Variants in TSNARE1 observed in about 807,000 individuals in gnomAD.
TSNARE1 encodes t-SNARE domain containing 1.
In TSNARE1, 49 loss-of-function variants were observed where a neutral mutation model predicts 62.0. That is an observed-to-expected ratio of 0.79 (90% confidence interval 0.63 to 1.00). The LOEUF is 1.00. Among genes scored for constraint, TSNARE1 ranks in the 50% least tolerant of loss-of-function variants. The probability of loss-of-function intolerance (pLI) is 0.00; values close to 1 mark genes in which losing one functional copy is unlikely to be tolerated. For synonymous variants in TSNARE1, 328 were observed against 294.4 expected, an observed-to-expected ratio of 1.11 and a Z score of -1.17; for missense variants, 755 against 700.1, an observed-to-expected ratio of 1.08 and a Z score of -0.88.
chr8:142,321,026 A>T (rs1244837891), intron 6 of TSNARE1, among the ~76,000 whole-genome samples: 2 of 152,214 alleles, frequency 1.3e-5, no homozygotes, highest in African/African-American at 2.4e-5. Context: ...ATCAAAGTGA[A>T]CAAGGCCTCC....
chr8:142,361,708 C>T (rs893932183), intron 1 of TSNARE1, among the ~76,000 whole-genome samples: 7 of 152,188 alleles, frequency 4.6e-5, no homozygotes, highest in African/African-American at 1.7e-4. Context: ...GCCAGTGGAA[C>T]ACATGCTACC....
intron 12 of TSNARE1, among the ~76,000 whole-genome samples, chr8:142,236,043 G>A (rs1012824720): frequency 2.6e-5 from 4 of 152,184 alleles, no homozygotes; most frequent in African/African-American, 4.8e-5. Context: ...GAGCTTCAGG[G>A]CAAGGACTCC....
chr8:142,393,914 C>A (rs768955561), intron 1 of TSNARE1, among the ~76,000 whole-genome samples: 1 of 152,202 alleles, frequency 6.6e-6, no homozygotes, highest in African/African-American at 2.4e-5. Context: ...TGGTTGCAGC[C>A]GTGTGGTTCC....
chr8:142,322,367 G>C (rs1021469534), intron 6 of TSNARE1, among the ~76,000 whole-genome samples: 1 of 152,200 alleles, frequency 6.6e-6, no homozygotes, highest in African/African-American at 2.4e-5. Context: ...TGGGGAACAA[G>C]GCAGGTATGT....
At chr8:142,338,229 C>A (rs1253886557) in intron 4 of TSNARE1, among the ~76,000 whole-genome samples, 1 of 152,254 alleles carries the variant, frequency 6.6e-6, no homozygotes. Context: ...TGCGTCCCCC[C>A]ACGTCTCACT....
intron 1 of TSNARE1, among the ~76,000 whole-genome samples, chr8:142,380,359 AG>A (rs1564004409): frequency 6.6e-6 from 1 of 151,950 alleles, no homozygotes; most frequent in African/African-American, 2.4e-5. Flanking sequence ...CAGGCCACAG[AG>A]CAGGGAGGAC....
Position 142,284,059 on chromosome 8 carries a change from G to A in TSNARE1, c.1363+354C>T, listed in dbSNP as rs1241122868. ...TGAGCGGGTACCAGTGTCTGCCAATGAGCAGAGTGGGGGCTAGTGTCTGCC... is the reference window on the plus strand; with the variant it reads ...TGAGCGGGTACCAGTGTCTGCCAATAAGCAGAGTGGGGGCTAGTGTCTGCC... On this transcript the variant is annotated intron_variant, in intron 11 of 13. Coordinates refer to ENST00000524325, the MANE Select transcript of TSNARE1 (RefSeq NM_145003.5). 1.5e-5 allele frequency among the ~76,000 whole-genome samples: 2 copies of A among 136,896 alleles called. 1 individual carries two copies. Among genetic ancestry groups the A allele is most frequent in the Non-Finnish European group, 3.3e-5 (2 of 61,212 alleles). 89.8% of individuals were successfully genotyped at this position (136,896 alleles called of 152,430 possible). A position where few individuals can be genotyped will look rare whatever the true frequency, so the allele number is the denominator to read the frequency against.
chr8:142,213,834 G>A (rs531555939), intron 13 of TSNARE1, among the ~76,000 whole-genome samples: 12 of 152,212 alleles, frequency 7.9e-5, no homozygotes, highest in South Asian at 2.1e-4. Flanking sequence ...CCTGCAGGGC[G>A]GAGCTGAGCC....
chr8:142,375,681 T>A (rs1277617819), intron 1 of TSNARE1, among the ~76,000 whole-genome samples: 1 of 152,216 alleles, frequency 6.6e-6, no homozygotes. Flanking sequence ...AGTGGTTCAA[T>A]GAAAATGAAA....
intron 11 of TSNARE1, among the ~76,000 whole-genome samples, chr8:142,279,649 C>T (rs1007745853): frequency 2.0e-5 from 3 of 152,174 alleles, no homozygotes; most frequent in African/African-American, 7.2e-5. Flanking sequence ...CCGAGACAGG[C>T]AGAACCCTCC....
intron 1 of TSNARE1, among the ~76,000 whole-genome samples, chr8:142,390,145 G>A (rs375597599): frequency 9.8e-5 from 15 of 152,338 alleles, no homozygotes; most frequent in Admixed American, 3.3e-4. Context: ...ACCATGAACG[G>A]GGCTTGCAGG....
At chr8:142,347,037 C>G (rs1554669037) in intron 2 of TSNARE1, among the ~76,000 whole-genome samples, 13 of 152,240 alleles carry the variant, frequency 8.5e-5, no homozygotes. Flanking sequence ...TACGGCCACA[C>G]AGACTCAGGA....
chr8:142,306,889 C>CAAAGGAAACACATCCCAGCCT (rs1826785224), intron 9 of TSNARE1, among the ~76,000 whole-genome samples: 3 of 152,044 alleles, frequency 2.0e-5, no homozygotes, highest in Non-Finnish European at 4.4e-5. Context: ...TATGACTGCT[C>CAAAGGAAACACATCCCAGCCT]ACAAAGGAAA....
chr8:142,325,898 C>T (rs1016897820), intron 6 of TSNARE1, among the ~76,000 whole-genome samples: 1 of 124,926 alleles, frequency 8.0e-6, no homozygotes, highest in Non-Finnish European at 1.7e-5. Context: ...AGACGGATGA[C>T]GAACCAGCAC....
chr8:142,311,930 G>A (rs939349221), intron 9 of TSNARE1, among the ~76,000 whole-genome samples: 1 of 152,122 alleles, frequency 6.6e-6, no homozygotes, highest in African/African-American at 2.4e-5. Context: ...AAAATAAAAT[G>A]TAAGTTCTCT....
At chr8:142,237,855 G>A (rs1055138729) in intron 12 of TSNARE1, among the ~76,000 whole-genome samples, 4 of 152,130 alleles carry the variant, frequency 2.6e-5, no homozygotes, top group Non-Finnish European at 5.9e-5. Flanking sequence ...CACCAGCCCC[G>A]CAGGGTGGCT....
chr8:142,330,332 C>A (rs1830831568), intron 6 of TSNARE1, among the ~76,000 whole-genome samples: 1 of 152,196 alleles, frequency 6.6e-6, no homozygotes, highest in Non-Finnish European at 1.5e-5. Flanking sequence ...GCAGACAGCA[C>A]CCGAGGCACC....
intron 6 of TSNARE1, among the ~76,000 whole-genome samples, chr8:142,324,258 C>T (rs1336319329): frequency 6.6e-6 from 1 of 152,224 alleles, no homozygotes; most frequent in Non-Finnish European, 1.5e-5. Context: ...CCATGTATCC[C>T]CACAAAGCCA....
chr8:142,298,729 C>A (rs1825180094), intron 10 of TSNARE1, among the ~76,000 whole-genome samples: 2 of 152,224 alleles, frequency 1.3e-5, no homozygotes, highest in African/African-American at 4.8e-5. Flanking sequence ...ACACTCTATG[C>A]CCCACAGGGA....
Sources: gnomAD v4.1 joint callset for allele counts (sites outside exome capture counted in the v4.1 genomes callset) on GRCh38, gnomAD v4.1.1 for gene constraint, MANE v1.5 for transcripts, NCBI Gene and HGNC (gene_info 2026-07-23, HGNC 2026-07-21) for gene names.